Variants in INVS observed in about 807,000 individuals in gnomAD.
The protein encoded by INVS is inversin.
In INVS, 86 loss-of-function variants were observed where a neutral mutation model predicts 108.8. That is an observed-to-expected ratio of 0.79 (90% CI 0.66 to 0.95). INVS has a LOEUF of 0.95. Among genes scored for constraint, INVS ranks in the 40% least tolerant of loss-of-function variants. The pLI is 0.00. For missense variants in INVS, 1,169 were observed against 1,297.4 expected (o/e 0.90, Z 1.52); for synonymous variants, 455 against 473.5 (o/e 0.96, Z 0.51).
chr9:100,225,750 C>CA (rs529005124), intron 3 of INVS, among the ~76,000 whole-genome samples: 4 of 142,626 alleles, frequency 2.8e-5, no homozygotes, highest in Non-Finnish European at 6.0e-5. Flanking sequence ...GCATTTACTA[C>CA]AAAAAAAATA....
At chr9:100,157,346 G>T (rs1829027220) in intron 3 of INVS, among the ~76,000 whole-genome samples, 1 of 147,950 alleles carries the variant, frequency 6.8e-6, no homozygotes, top group Non-Finnish European at 1.5e-5. Flanking sequence ...CTCACTGCAA[G>T]CTCCGCCTCC....
chr9:100,297,008 T>C lies in INVS; in HGVS notation c.2878T>C (p.Leu960=). The C allele has an allele frequency of 6.2e-7, 1 of 1,614,002 alleles. No individual in the cohort carries two copies. The highest frequency in any genetic ancestry group is 8.5e-7 in the Non-Finnish European group (1 of 1,179,976). ...CAGATGGAGGCAAGAGTCTACAGCA[T>C]TGCTCCTCCAGGTTTGGAGGAAGGA... is the stretch of plus-strand genomic sequence containing the variant. The part of the protein sequence containing the change: ...VDRWRQESTA[L]LLQVWRKELE... Residue 960 remains leucine (L), a synonymous_variant, in exon 15 of 17, where the codon TTG becomes CTG. Coordinates refer to ENST00000262457, the MANE Select transcript of INVS (RefSeq NM_014425.5).
In INVS at chr9:100,273,066, G is replaced by C; in HGVS notation, c.1774G>C (p.Ala592Pro). 12 of 1,613,908 alleles carry C rather than the reference G, an allele frequency of 7.4e-6. No individual in the cohort carries two copies. Among genetic ancestry groups the C allele is most frequent in the Non-Finnish European group, 1.0e-5 (12 of 1,179,800 alleles). ...GAAGCATGAACAGTTGAGAAAAGATGCTGCTGCCAAGTAAGTATGAGCTAC... is the reference window on the plus strand; with the variant it reads ...GAAGCATGAACAGTTGAGAAAAGATCCTGCTGCCAAGTAAGTATGAGCTAC... The part of the protein sequence containing the change: ...LMKHEQLRKD[A>P]AAKKREEENK... Residue 592 changes from alanine to proline, a missense_variant, in exon 12 of 17, where the codon GCT becomes CCT. Coordinates refer to ENST00000262457, the MANE Select transcript of INVS (RefSeq NM_014425.5).
intron 3 of INVS, among the ~76,000 whole-genome samples, chr9:100,173,798 A>G (rs1457944853): frequency 6.6e-6 from 1 of 152,190 alleles, no homozygotes; most frequent in East Asian, 1.9e-4. Flanking sequence ...GGAAGGCCTA[A>G]CCTCTACATA....
chr9:100,107,825 G>A (rs1827225798), intron 2 of INVS, among the ~76,000 whole-genome samples: 1 of 152,000 alleles, frequency 6.6e-6, no homozygotes, highest in Admixed American at 6.6e-5. Flanking sequence ...AAGTAGTCTG[G>A]GTCTGTTTAA....
chr9:100,233,284 G>A (rs960681365), intron 5 of INVS, among the ~76,000 whole-genome samples: 1 of 152,052 alleles, frequency 6.6e-6, no homozygotes, highest in African/African-American at 2.4e-5. Flanking sequence ...GAGACGATGG[G>A]GTTATCTAAA....
intron 3 of INVS, among the ~76,000 whole-genome samples, chr9:100,223,350 G>A (rs966791346): frequency 5.3e-5 from 8 of 151,988 alleles, no homozygotes; most frequent in African/African-American, 1.9e-4. Flanking sequence ...GCCCATCTCG[G>A]CCACCCAAAG....
At chr9:100,200,745 A>G (rs1179087712) in intron 3 of INVS, among the ~76,000 whole-genome samples, 2 of 152,178 alleles carry the variant, frequency 1.3e-5, no homozygotes, top group East Asian at 1.9e-4. Context: ...TACATTGTCA[A>G]TTCAGGGATC....
Position 100,239,983 on chromosome 9 carries a change from A to G in INVS, c.616-77A>G, listed in dbSNP as rs1831813916. ...GACCCTGTCTCTAAAAAAGAAAGAA[A>G]GAAAAAAATACTTACACCAAATGTA... On this transcript the variant is annotated intron_variant, in intron 5 of 16. Transcript: ENST00000262457. 8.0e-6 allele frequency: 11 copies of G among 1,368,748 alleles called. 1 individual carries two copies. The South Asian group carries it at 1.3e-4, about 16-fold the overall frequency. The allele number at this position is 1,368,748 out of a possible 1,614,324, so 84.8% of individuals were successfully genotyped here.
Position 100,252,274 on chromosome 9 carries a change from C to T in INVS, c.1079-9C>T, listed in dbSNP as rs772924698. On this transcript the variant is annotated splice_polypyrimidine_tract_variant and intron_variant, in intron 8 of 16. Coordinates refer to ENST00000262457, the MANE Select transcript of INVS (RefSeq NM_014425.5). The stretch of plus-strand genomic sequence containing the variant: ...ACTAGTTCATCACTTTCTGTTGGTT[C>T]CCTTTTAGCTTTGCATGCTGCTGCT... The T allele has an allele frequency of 1.2e-6, 2 of 1,613,754 alleles. No individual in the cohort carries two copies.
intron 3 of INVS, among the ~76,000 whole-genome samples, chr9:100,147,376 C>T (rs1243297825): frequency 2.0e-5 from 3 of 152,136 alleles, no homozygotes; most frequent in Admixed American, 6.6e-5. Context: ...AGTCAGTTTA[C>T]ATTAAAAGAA....
intron 13 of INVS, among the ~76,000 whole-genome samples, chr9:100,290,323 G>A (rs186156952): frequency 5.9e-4 from 90 of 152,230 alleles, no homozygotes; most frequent in African/African-American, 2.0e-3. Context: ...TCACAAATGA[G>A]CAGATATAGG....
In INVS at chr9:100,264,884, A is replaced by G. The variant is rs1443240152; in HGVS notation, c.1527A>G (p.Leu509=). 1 of 1,613,694 alleles carries G rather than the reference A, an allele frequency of 6.2e-7. No individual in the cohort carries two copies. Among genetic ancestry groups the G allele is most frequent in the Non-Finnish European group, 8.5e-7 (1 of 1,179,806 alleles). ...ACCTTGATGCCATTAAATTACTGCT[A>G]GACTTTGCTGCTTTCCCTAATCAGA... ...NGYLDAIKLL[L]DFAAFPNQME... is the part of the protein sequence containing the mutation. Residue 509 remains leucine, a synonymous_variant, in exon 11 of 17, where the codon CTA becomes CTG. Transcript: ENST00000262457.
At chr9:100,129,789 C>A in intron 3 of INVS, 1 of 635,802 alleles carries the variant, frequency 1.6e-6, no homozygotes, top group Non-Finnish European at 2.9e-6. Context: ...TGACATTTTC[C>A]AAACTGGAAT....
At chr9:100,128,962 C>A (rs1194789089) in intron 3 of INVS, among the ~76,000 whole-genome samples, 2 of 151,888 alleles carry the variant, frequency 1.3e-5, no homozygotes, top group Non-Finnish European at 2.9e-5. Context: ...AGGCAAGAGG[C>A]TCTCTTGAGG....
intron 3 of INVS, among the ~76,000 whole-genome samples, chr9:100,166,342 C>G (rs1829362424): frequency 6.6e-6 from 1 of 152,086 alleles, no homozygotes; most frequent in South Asian, 2.1e-4. Flanking sequence ...GACCCCATCT[C>G]TACAAACAAC....
rs1309817606 is a variant in INVS at position 100,272,974 on chromosome 9, A to G, written c.1682A>G (p.Lys561Arg). Residue 561 changes from lysine (K) to arginine (R), a missense_variant, in exon 12 of 17, where the codon AAA (lysine) becomes AGA (arginine). By Grantham distance (26) the Lys-to-Arg change is conservative. Around this residue, in one of 3 missense-constraint regions of INVS, gnomAD observed 271 missense variants for 363.8 expected, o/e 0.74. Coordinates refer to ENST00000262457, the MANE Select transcript of INVS (RefSeq NM_014425.5). ...IAAIQDIAAF[K>R]IQAVYKGYKV... The stretch of plus-strand genomic sequence containing the variant: ...GCCATACAAGACATCGCCGCCTTCA[A>G]AATCCAAGCTGTCTACAAAGGGTAC... 1.2e-6 allele frequency: 2 copies of G among 1,614,146 alleles called. No individual in the cohort carries two copies. Among genetic ancestry groups the G allele is most frequent in the East Asian group, 2.2e-5 (1 of 44,876 alleles).
At chr9:100,142,206 T>C (rs1225657494) in intron 3 of INVS, among the ~76,000 whole-genome samples, 1 of 152,060 alleles carries the variant, frequency 6.6e-6, no homozygotes, top group Non-Finnish European at 1.5e-5. Context: ...CCTTGTTTAG[T>C]GAGGAAACTT....
At chr9:100,103,404 A>T (rs1827065966) in intron 1 of INVS, among the ~76,000 whole-genome samples, 1 of 151,808 alleles carries the variant, frequency 6.6e-6, no homozygotes, top group Non-Finnish European at 1.5e-5. Context: ...AGGTGGGCAG[A>T]TCACTTGAGA....
Sources: gnomAD v4.1 joint callset for allele counts (sites outside exome capture counted in the v4.1 genomes callset) on GRCh38, gnomAD v4.1.1 for gene constraint, gnomAD v4.1.1 regional missense constraint, MANE v1.5 for transcripts, NCBI Gene and HGNC (gene_info 2026-07-23, HGNC 2026-07-21) for gene names.